Variants in CPM observed in about 807,000 individuals in gnomAD.
The protein encoded by CPM is carboxypeptidase M, also known as renal carboxypeptidase.
Under a neutral mutation model 46.4 loss-of-function variants are expected in CPM, and 35 were observed. That is an observed-to-expected ratio of 0.75 (90% CI 0.58 to 1.00). The LOEUF is 1.00. Among genes scored for constraint, CPM ranks in the 50% least tolerant of loss-of-function variants. The pLI is 0.00. For synonymous variants in CPM, 195 were observed against 195.3 expected, an observed-to-expected ratio of 1.00 and a Z score of 0.01; for missense variants, 422 against 530.4, an observed-to-expected ratio of 0.80 and a Z score of 2.01.
chr12:68,922,893 C>G (rs946972765), intron 2 of CPM, among the ~76,000 whole-genome samples: 1 of 152,072 alleles, frequency 6.6e-6, no homozygotes, highest in Non-Finnish European at 1.5e-5. Context: ...TTTTAAATCA[C>G]TAGACAGAAG....
At chr12:68,918,058 CGTGA>C (rs965722796) in intron 2 of CPM, among the ~76,000 whole-genome samples, 1 of 152,280 alleles carries the variant, frequency 6.6e-6, no homozygotes, top group African/African-American at 2.4e-5. Context: ...TATATTGAGT[CGTGA>C]GTGAGTCCTT....
At chr12:68,922,724 C>T (rs981645434) in intron 2 of CPM, among the ~76,000 whole-genome samples, 3 of 151,290 alleles carry the variant, frequency 2.0e-5, no homozygotes, top group Non-Finnish European at 4.4e-5. Flanking sequence ...ATTTTTAAAA[C>T]CTGTGACATG....
chr12:68,882,936 T>C (rs939707574), intron 3 of CPM, among the ~76,000 whole-genome samples: 1 of 152,144 alleles, frequency 6.6e-6, no homozygotes, highest in African/African-American at 2.4e-5. Flanking sequence ...AAATGGCAGG[T>C]GTAATCAGCA....
At chr12:68,890,698 T>C (rs749244616) in intron 2 of CPM, among the ~76,000 whole-genome samples, 205 of 152,362 alleles carry the variant, frequency 1.3e-3, no homozygotes, top group Non-Finnish European at 2.1e-3. Context: ...AAGACTGGGC[T>C]TTCTTCCTGG....
intron 3 of CPM, among the ~76,000 whole-genome samples, chr12:68,883,893 G>A (rs1181306345): frequency 2.7e-5 from 4 of 149,464 alleles, no homozygotes; most frequent in East Asian, 2.0e-4. Context: ...TCAGGGGTTC[G>A]AGACCAGCTT....
Position 68,853,903 on chromosome 12 carries a change from C to A in CPM, c.*2534G>T, listed in dbSNP as rs879116056. The A allele has an allele frequency of 6.7e-6, 1 of 148,668 alleles. No homozygotes were observed. Among genetic ancestry groups the A allele is most frequent in the Non-Finnish European group, 1.5e-5 (1 of 66,872 alleles). 9.2% of individuals were successfully genotyped at this position (148,668 alleles called of 1,614,324 possible). Reference sequence around the variant, plus strand: ...TCACCAGAGTTGCTATTTTTTTTTTCTTTTCTGTTTAGTGCTTTACCCCTT... The same window carrying A: ...TCACCAGAGTTGCTATTTTTTTTTTATTTTCTGTTTAGTGCTTTACCCCTT... On this transcript the variant is annotated 3_prime_UTR_variant, in exon 9 of 9. Coordinates refer to ENST00000551568, the MANE Select transcript of CPM (RefSeq NM_198320.5).
intron 1 of CPM, among the ~76,000 whole-genome samples, chr12:68,960,796 C>T (rs1439521404): frequency 6.6e-6 from 1 of 152,222 alleles, no homozygotes; most frequent in African/African-American, 2.4e-5. Flanking sequence ...GCTGACCCTG[C>T]ACAAGCCCTC....
chr12:68,908,659 A>C (rs1887452863), intron 2 of CPM, among the ~76,000 whole-genome samples: 2 of 152,222 alleles, frequency 1.3e-5, no homozygotes, highest in Non-Finnish European at 2.9e-5. Flanking sequence ...AAACATAAAA[A>C]CTAAAACCAT....
intron 2 of CPM, among the ~76,000 whole-genome samples, chr12:68,920,427 G>A (rs2136305254): frequency 6.6e-6 from 1 of 152,190 alleles, no homozygotes; most frequent in East Asian, 1.9e-4. Context: ...GGATTTTAAC[G>A]AGTGGGCTCA....
chr12:68,907,296 T>C (rs1291717471), intron 2 of CPM, among the ~76,000 whole-genome samples: 2 of 152,186 alleles, frequency 1.3e-5, no homozygotes, highest in Admixed American at 6.5e-5. Context: ...GGAGGGCACA[T>C]TATTAGGGTG....
intron 1 of CPM, among the ~76,000 whole-genome samples, chr12:68,941,816 C>T (rs556330391): frequency 7.9e-5 from 12 of 152,272 alleles, no homozygotes; most frequent in Non-Finnish European, 1.3e-4. Flanking sequence ...AGTAGCTCCC[C>T]CAACTCAGAT....
intron 2 of CPM, among the ~76,000 whole-genome samples, chr12:68,911,021 A>C (rs1266334849): frequency 6.6e-6 from 1 of 152,222 alleles, no homozygotes. Context: ...CGAGTATATA[A>C]CTATAAGCTA....
rs1312529935 is a variant in CPM at position 68,870,285 on chromosome 12, C to A, written c.546G>T (p.Thr182=). 5.6e-6 allele frequency: 9 copies of A among 1,614,108 alleles called. No homozygotes were observed. The South Asian group carries it at 9.9e-5, about 18-fold the overall frequency. Residue 182 remains threonine (T), a synonymous_variant, in exon 5 of 9, where the codon ACG becomes ACT. Coordinates refer to ENST00000551568, the MANE Select transcript of CPM (RefSeq NM_198320.5). ...CATGGAGGTTTGCAGAGAGGACAAA[C>A]GTCTCTGTTTTCAGCCACTTCATGA... ...VAVMKWLKTE[T]FVLSANLHGG...
At chr12:68,951,389 G>GT (rs1888932746) in intron 1 of CPM, among the ~76,000 whole-genome samples, 1 of 152,176 alleles carries the variant, frequency 6.6e-6, no homozygotes, top group African/African-American at 2.4e-5. Context: ...CTAGAGTGTG[G>GT]TAAGTACAGT....
In CPM at chr12:68,870,202, C is replaced by T. The variant is rs375511291; in HGVS notation, c.616+13G>A. 4.4e-5 allele frequency: 71 copies of T among 1,609,070 alleles called. No homozygotes were observed. Among genetic ancestry groups the T allele is most frequent in the African/African-American group, 6.7e-5 (5 of 74,718 alleles). ...GGACTTAAGAAGCCAGAACTGGACC[C>T]GCACCTGCTTACCTTGAACACCATT... On this transcript the variant is annotated intron_variant, in intron 5 of 8. Transcript: ENST00000551568.
Position 68,869,310 on chromosome 12 carries a change from T to G in CPM, c.787+15A>C, listed in dbSNP as rs752176444. 2 of 1,607,014 alleles carry G rather than the reference T, an allele frequency of 1.2e-6. No homozygotes were observed. The highest frequency in any genetic ancestry group is 2.7e-5 in the African/African-American group (2 of 74,348). On this transcript the variant is annotated intron_variant, in intron 6 of 8. Transcript: ENST00000551568. ...AAGGCAATAAGGAGAATGGAAGAAA[T>G]GAAGAGAAACTCACCTTGGAGTGGA...
At chr12:68,867,106 T>A in intron 6 of CPM, 58 bp from the exon 7 acceptor site, 2 of 1,549,808 alleles carry the variant, frequency 1.3e-6, no homozygotes, top group Non-Finnish European at 1.8e-6. Context: ...GAGCCAAGTA[T>A]CACGTGCCTC....
intron 2 of CPM, among the ~76,000 whole-genome samples, chr12:68,925,527 T>TA (rs1888223153): frequency 6.6e-6 from 1 of 152,156 alleles, no homozygotes; most frequent in Admixed American, 6.5e-5. Context: ...GGGCATAAGT[T>TA]AAACAATAAA....
intron 1 of CPM, 125 bp from the exon 2 acceptor site, chr12:68,932,965 G>A: frequency 1.2e-6 from 1 of 819,190 alleles, no homozygotes. Context: ...CTCCTAAGGA[G>A]GCAAAAGCTG....
Sources: gnomAD v4.1 joint callset for allele counts (sites outside exome capture counted in the v4.1 genomes callset) on GRCh38, gnomAD v4.1.1 for gene constraint, MANE v1.5 for transcripts, NCBI Gene and HGNC (gene_info 2026-07-23, HGNC 2026-07-21) for gene names.